Variants in GPC6 observed in about 807,000 individuals in gnomAD.
GPC6 encodes glypican 6, also known as glypican-6.
A neutral mutation model predicts 55.2 loss-of-function variants in GPC6; 14 were observed. The observed-to-expected ratio is 0.25, with a 90% CI of 0.17 to 0.40. The LOEUF (loss-of-function observed/expected upper bound fraction) is 0.40, where lower values mean the gene tolerates loss of function less well. Ranked by LOEUF, GPC6 falls within the 10% of genes least tolerant of loss-of-function variation. GPC6 has a pLI of 1.00. For missense variants in GPC6, 641 were observed against 708.5 expected (o/e 0.90, Z 1.08); for synonymous variants, 278 against 259.6 (o/e 1.07, Z -0.68).
intron 4 of GPC6, among the ~76,000 whole-genome samples, chr13:94,086,585 G>A (rs976143873): frequency 7.2e-5 from 11 of 152,226 alleles, no homozygotes; most frequent in African/African-American, 2.2e-4. Context: ...TAGAAACCAA[G>A]AACAGAAGTC....
intron 4 of GPC6, among the ~76,000 whole-genome samples, chr13:94,207,706 A>G (rs1238433476): frequency 6.6e-6 from 1 of 152,180 alleles, no homozygotes; most frequent in Non-Finnish European, 1.5e-5. Context: ...GTGGGAATAT[A>G]CATGATTGTG....
At chr13:93,348,867 A>G (rs1222345642) in intron 1 of GPC6, among the ~76,000 whole-genome samples, 1 of 152,164 alleles carries the variant, frequency 6.6e-6, no homozygotes, top group African/African-American at 2.4e-5. Flanking sequence ...CCTTAGGCTT[A>G]GTATAAATGA....
At chr13:93,845,207 A>T (rs534255248) in intron 3 of GPC6, among the ~76,000 whole-genome samples, 1 of 151,988 alleles carries the variant, frequency 6.6e-6, no homozygotes, top group Non-Finnish European at 1.5e-5. Context: ...GAAGACATTT[A>T]TGCAGCCAAA....
At chr13:93,241,491 CTGTGTTTTGTTTTGTTT>C (rs570991330) in intron 1 of GPC6, among the ~76,000 whole-genome samples, 44 of 152,134 alleles carry the variant, frequency 2.9e-4, no homozygotes, top group African/African-American at 9.9e-4. Context: ...TCCAGAAGTT[CTGTGTTTTGTTTTGTTT>C]TGATTTTTTG....
intron 3 of GPC6, among the ~76,000 whole-genome samples, chr13:93,979,309 G>C (rs200185738): frequency 7.9e-6 from 1 of 126,214 alleles, no homozygotes; most frequent in East Asian, 2.6e-4. Flanking sequence ...GTGTGTGTGT[G>C]TGTGTGTGTT....
chr13:94,249,505 G>A (rs1288987367), intron 4 of GPC6, among the ~76,000 whole-genome samples: 1 of 152,056 alleles, frequency 6.6e-6, no homozygotes, highest in Non-Finnish European at 1.5e-5. Context: ...CACTTGCATA[G>A]ATTTTCACAG....
intron 1 of GPC6, among the ~76,000 whole-genome samples, chr13:93,343,824 C>T (rs189669145): frequency 5.6e-4 from 85 of 152,282 alleles, no homozygotes; most frequent in African/African-American, 2.0e-3. Flanking sequence ...CCTTTATACT[C>T]CTCTAATCCC....
intron 2 of GPC6, among the ~76,000 whole-genome samples, chr13:93,696,926 C>T (rs973130608): frequency 6.6e-6 from 1 of 152,012 alleles, no homozygotes; most frequent in Admixed American, 6.6e-5. Flanking sequence ...ACCTGGCCAC[C>T]TCCGTAACTT....
chr13:93,309,947 A>G (rs1879009174), intron 1 of GPC6, among the ~76,000 whole-genome samples: 1 of 152,186 alleles, frequency 6.6e-6, no homozygotes, highest in Non-Finnish European at 1.5e-5. Context: ...ATGATTAACT[A>G]CGTGGTCACT....
chr13:93,760,144 G>A (rs1884911401), intron 2 of GPC6, among the ~76,000 whole-genome samples: 1 of 152,056 alleles, frequency 6.6e-6, no homozygotes, highest in South Asian at 2.1e-4. Flanking sequence ...TAAGAAATAG[G>A]TGGTACTGTG....
intron 4 of GPC6, among the ~76,000 whole-genome samples, chr13:94,111,453 A>G (rs1421957412): frequency 6.9e-6 from 1 of 144,498 alleles, no homozygotes; most frequent in Non-Finnish European, 1.5e-5. Flanking sequence ...CAGCACATGT[A>G]TTCCAGAACT....
At chr13:94,074,355 T>G (rs1884837599) in intron 4 of GPC6, among the ~76,000 whole-genome samples, 1 of 152,222 alleles carries the variant, frequency 6.6e-6, no homozygotes, top group African/African-American at 2.4e-5. Flanking sequence ...ATAGACAAGG[T>G]TATGTTTTAA....
intron 1 of GPC6, among the ~76,000 whole-genome samples, chr13:93,293,553 T>C (rs1292172742): frequency 6.6e-6 from 1 of 152,080 alleles, no homozygotes; most frequent in Non-Finnish European, 1.5e-5. Context: ...CTAATATTCA[T>C]TTTTTAAAGT....
In GPC6 at chr13:93,227,946, C is replaced by T. The variant is rs1215479098; in HGVS notation, c.160+330C>T. Among the ~76,000 whole-genome samples, 1 of 152,150 alleles carries T rather than the reference C, an allele frequency of 6.6e-6. No individual in the cohort carries two copies. Among genetic ancestry groups the T allele is most frequent in the East Asian group, 1.9e-4 (1 of 5,136 alleles). On this transcript the variant is annotated intron_variant, in intron 1 of 8. Transcript: ENST00000377047. This position sits in a 1 kb window ranked among gnomAD's most constrained non-coding sequence, Gnocchi z 4.3. Reference sequence around the variant, plus strand: ...GGGTCACTCCGGGGCGGCTGCAAGGCGCAGACGGAGAGCCGAGCCGGGCGC... The same window carrying T: ...GGGTCACTCCGGGGCGGCTGCAAGGTGCAGACGGAGAGCCGAGCCGGGCGC...
At chr13:94,321,227 T>C (rs936898697) in intron 6 of GPC6, among the ~76,000 whole-genome samples, 1 of 152,238 alleles carries the variant, frequency 6.6e-6, no homozygotes, top group African/African-American at 2.4e-5. Context: ...GTTCTATCCA[T>C]GTAGCTGCAA....
In GPC6 at chr13:93,561,419, A is replaced by G. The variant is rs1352308178; in HGVS notation, c.319+15998A>G. Among the ~76,000 whole-genome samples the G allele has an allele frequency of 5.6e-5, 8 of 143,736 alleles. 1 individual carries two copies. Among genetic ancestry groups the G allele is most frequent in the Admixed American group, 1.4e-4 (2 of 14,728 alleles). The allele number at this position is 143,736 out of a possible 152,430, so 94.3% of individuals were successfully genotyped here. ...TATCCCTATCGATATATATATATAT[A>G]TATATATTTGTTGCAGTTCTTATAT... On this transcript the variant is annotated intron_variant, in intron 2 of 8. Coordinates refer to ENST00000377047, the MANE Select transcript of GPC6 (RefSeq NM_005708.5).
chr13:93,557,410 G>A (rs376417131), intron 2 of GPC6, among the ~76,000 whole-genome samples: 1 of 151,990 alleles, frequency 6.6e-6, no homozygotes, highest in Non-Finnish European at 1.5e-5. Flanking sequence ...AAAAAAAATA[G>A]GTTAAGGAAG....
At chr13:94,241,380 T>C (rs1891048432) in intron 4 of GPC6, among the ~76,000 whole-genome samples, 1 of 152,186 alleles carries the variant, frequency 6.6e-6, no homozygotes, top group African/African-American at 2.4e-5. Context: ...AAAATTGGAT[T>C]GCATGGCTTT....
chr13:93,797,097 T>TTTCATCCATTTCTGGTATCAACAA (rs1555332193), intron 2 of GPC6, among the ~76,000 whole-genome samples: 1 of 151,172 alleles, frequency 6.6e-6, no homozygotes, highest in African/African-American at 2.4e-5. Flanking sequence ...TTATTTCTGT[T>TTTCATCCATTTCTGGTATCAACAA]AATCTGGGCA....
Sources: gnomAD v4.1 joint callset for allele counts (sites outside exome capture counted in the v4.1 genomes callset) on GRCh38, gnomAD v4.1.1 for gene constraint, Gnocchi (gnomAD v3.1) non-coding constraint, MANE v1.5 for transcripts, NCBI Gene and HGNC (gene_info 2026-07-23, HGNC 2026-07-21) for gene names.